Variants in RELN observed in about 807,000 individuals in gnomAD.
The protein encoded by RELN is reelin.
In RELN, 108 loss-of-function variants were observed where a neutral mutation model predicts 427.6. The ratio of observed to expected loss-of-function variants is 0.25; its 90% CI spans 0.22 to 0.30. The LOEUF is 0.30. Ranked by LOEUF, RELN falls within the 10% of genes least tolerant of loss-of-function variation. RELN has a pLI of 1.00. For synonymous variants in RELN, 1,524 were observed against 1,513.4 expected, an observed-to-expected ratio of 1.01 and a Z score of -0.16; for missense variants, 3,715 against 4,302.8, an observed-to-expected ratio of 0.86 and a Z score of 3.82.
chr7:103,766,615 A>G (rs1791430631), intron 4 of RELN, among the ~76,000 whole-genome samples: 1 of 152,162 alleles, frequency 6.6e-6, no homozygotes, highest in African/African-American at 2.4e-5. Flanking sequence ...TTCTTGTTAA[A>G]CTCTTCTGCC....
At chr7:103,706,534 C>A (rs1175393017) in intron 8 of RELN, among the ~76,000 whole-genome samples, 11 of 152,148 alleles carry the variant, frequency 7.2e-5, no homozygotes, top group Non-Finnish European at 1.0e-4. Flanking sequence ...CCCAAGGACA[C>A]CTACTAACAA....
In RELN at chr7:103,727,216, C is replaced by G. The variant is rs115329685; in HGVS notation, c.753+895G>C. Among the ~76,000 whole-genome samples the G allele has an allele frequency of 3.1e-3, 472 of 152,078 alleles. 2 individuals are homozygous for G. Among genetic ancestry groups the G allele is most frequent in the African/African-American group, 0.011 (462 of 41,474 alleles). ...TAATGATTTTGAAACACAATTGTGA[C>G]AGAAGGGTGAAAAATACAACCTATT... On this transcript the variant is annotated intron_variant, in intron 7 of 64. Coordinates refer to ENST00000428762, the MANE Select transcript of RELN (RefSeq NM_005045.4).
chr7:103,651,932 T>A (rs1308842471), intron 14 of RELN, 143 bp from the exon 15 acceptor site: 1 of 843,478 alleles, frequency 1.2e-6, no homozygotes, highest in African/African-American at 1.7e-5. Flanking sequence ...CCTAAATGAT[T>A]GTTTTCTCTT....
At chr7:103,843,693 A>T (rs541934904) in intron 2 of RELN, among the ~76,000 whole-genome samples, 10 of 152,276 alleles carry the variant, frequency 6.6e-5, no homozygotes, top group African/African-American at 2.4e-4. Context: ...TCTGAGTTAG[A>T]TACAGATATG....
At chr7:103,606,123 T>C (rs377668372) in intron 22 of RELN, among the ~76,000 whole-genome samples, 1 of 152,206 alleles carries the variant, frequency 6.6e-6, no homozygotes. Context: ...CTTATGCACC[T>C]TGTCATCCTG....
intron 3 of RELN, among the ~76,000 whole-genome samples, chr7:103,813,863 TTATTTA>T (rs1792804669): frequency 6.6e-6 from 1 of 152,188 alleles, no homozygotes; most frequent in African/African-American, 2.4e-5. Context: ...CTTCATTCTT[TTATTTA>T]AAGTTTTTCT....
chr7:103,960,098 T>C (rs1362125004), intron 1 of RELN, among the ~76,000 whole-genome samples: 2 of 152,162 alleles, frequency 1.3e-5, no homozygotes, highest in African/African-American at 4.8e-5. Context: ...AATGATCTTT[T>C]TGAAAAGAAG....
intron 1 of RELN, among the ~76,000 whole-genome samples, chr7:103,929,681 C>G (rs757891275): frequency 6.6e-6 from 1 of 152,170 alleles, no homozygotes. Context: ...CACATCACTA[C>G]CTTCAGCACT....
intron 3 of RELN, 57 bp from the exon 4 acceptor site, chr7:103,776,684 T>C: frequency 6.4e-7 from 1 of 1,570,396 alleles, no homozygotes; most frequent in Non-Finnish European, 8.8e-7. Context: ...GGTGAAAATG[T>C]ATGTTTAAAA....
At chr7:103,558,168 C>T in intron 36 of RELN, 119 bp from the exon 37 acceptor site, 1 of 649,750 alleles carries the variant, frequency 1.5e-6, no homozygotes. Flanking sequence ...GATCAAGAAG[C>T]AAATTTTGCC....
At chr7:103,498,735 G>A (rs927740427) in intron 53 of RELN, among the ~76,000 whole-genome samples, 9 of 151,946 alleles carry the variant, frequency 5.9e-5, no homozygotes, top group African/African-American at 2.2e-4. Flanking sequence ...CAAGTGATCT[G>A]CCCACCTCCG....
intron 28 of RELN, among the ~76,000 whole-genome samples, chr7:103,579,026 A>G (rs976296437): frequency 1.3e-5 from 2 of 152,224 alleles, no homozygotes; most frequent in Non-Finnish European, 2.9e-5. Context: ...ACATCTAGAA[A>G]GCATCTACAG....
intron 46 of RELN, among the ~76,000 whole-genome samples, chr7:103,524,447 A>C (rs1829780626): frequency 6.6e-6 from 1 of 152,206 alleles, no homozygotes; most frequent in Non-Finnish European, 1.5e-5. Flanking sequence ...GCAGAAATAT[A>C]TTTGCTCATT....
At chr7:103,702,314 A>G (rs964214896) in intron 8 of RELN, among the ~76,000 whole-genome samples, 1 of 152,244 alleles carries the variant, frequency 6.6e-6, no homozygotes, top group Non-Finnish European at 1.5e-5. Flanking sequence ...ATTTAGAAGG[A>G]AAGTTCAAAT....
At chr7:103,729,360 G>A (rs927378454) in intron 6 of RELN, among the ~76,000 whole-genome samples, 10 of 152,100 alleles carry the variant, frequency 6.6e-5, no homozygotes, top group African/African-American at 1.9e-4. Flanking sequence ...TGAAAGGAGC[G>A]CATAAAGCCA....
intron 40 of RELN, among the ~76,000 whole-genome samples, chr7:103,553,018 C>T (rs780198091): frequency 2.0e-5 from 3 of 151,950 alleles, no homozygotes; most frequent in Admixed American, 6.6e-5. Flanking sequence ...TACACAAATA[C>T]ATTTGAAATT....
At chr7:103,658,926 A>C (rs920046484) in intron 12 of RELN, among the ~76,000 whole-genome samples, 8 of 151,434 alleles carry the variant, frequency 5.3e-5, no homozygotes, top group African/African-American at 1.5e-4. Flanking sequence ...ACCTCTGTTT[A>C]TGTTCTTTCT....
At position 103,529,277 on chromosome 7, in the gene RELN, T is replaced by C. The variant is rs75842477; in HGVS notation, c.7350-5746A>G. 1.5e-3 allele frequency among the ~76,000 whole-genome samples: 222 copies of C among 152,326 alleles called. 1 individual carries two copies. Among genetic ancestry groups the C allele is most frequent in the African/African-American group, 5.1e-3 (213 of 41,574 alleles). On this transcript the variant is annotated intron_variant, in intron 46 of 64. Coordinates refer to ENST00000428762, the MANE Select transcript of RELN (RefSeq NM_005045.4). ...CTTAGAACTTCCTGCAGACATTAAG[T>C]AGCTTCCACGGTGTGGCTAAAACCA...
At chr7:103,870,870 G>T (rs996749363) in intron 2 of RELN, among the ~76,000 whole-genome samples, 2 of 152,082 alleles carry the variant, frequency 1.3e-5, no homozygotes, top group Admixed American at 6.6e-5. Context: ...CTGCTGAGCG[G>T]CTCCCTCCTG....
Sources: gnomAD v4.1 joint callset for allele counts (sites outside exome capture counted in the v4.1 genomes callset) on GRCh38, gnomAD v4.1.1 for gene constraint, MANE v1.5 for transcripts, NCBI Gene and HGNC (gene_info 2026-07-23, HGNC 2026-07-21) for gene names.